Variants in PSD3 observed in about 807,000 individuals in gnomAD.
PSD3 encodes the protein pleckstrin and Sec7 domain containing 3.
A neutral mutation model predicts 105.5 loss-of-function variants in PSD3; 49 were observed. The ratio of observed to expected loss-of-function variants is 0.46; its 90% confidence interval spans 0.37 to 0.59. The LOEUF (loss-of-function observed/expected upper bound fraction) is 0.59. Among genes scored for constraint, PSD3 ranks in the 20% least tolerant of loss-of-function variants. The probability of loss-of-function intolerance (pLI) is 0.00; values close to 1 mark genes in which losing one functional copy is unlikely to be tolerated. For synonymous variants in PSD3, 557 were observed against 457.8 expected (o/e 1.22, Z -2.77); for missense variants, 1,561 against 1,263.8 (o/e 1.24, Z -3.57).
intron 2 of PSD3, among the ~76,000 whole-genome samples, chr8:18,882,782 C>T (rs552212789): frequency 2.0e-5 from 3 of 151,694 alleles, no homozygotes. Flanking sequence ...CTAATACCTA[C>T]CATACTCCAC....
intron 11 of PSD3, among the ~76,000 whole-genome samples, chr8:18,629,863 T>A (rs1386914555): frequency 6.6e-6 from 1 of 151,970 alleles, no homozygotes; most frequent in Non-Finnish European, 1.5e-5. Context: ...TGTAAATTAT[T>A]AGAAACCATG....
chr8:18,588,837 AC>A (rs1207195085), intron 12 of PSD3, among the ~76,000 whole-genome samples: 1 of 152,202 alleles, frequency 6.6e-6, no homozygotes, highest in Non-Finnish European at 1.5e-5. Context: ...AAAAGCTGGT[AC>A]CTTTGAAACA....
rs1025509737 is a variant in PSD3, at chr8:18,533,875, A to C, written c.*1868T>G. On this transcript the variant is annotated 3_prime_UTR_variant, in exon 16 of 16. Transcript: ENST00000327040. ...TTTGTTTTGCAGTTCTGAAACATAA[A>C]CTTAGTTACTGCCTTTACCCAAACA... 1 of 151,914 alleles carries C rather than the reference A, an allele frequency of 6.6e-6. No homozygotes were observed. Among genetic ancestry groups the C allele is most frequent in the Non-Finnish European group, 1.5e-5 (1 of 67,968 alleles). The allele number at this position is 151,914 out of a possible 1,614,324, so 9.4% of individuals were successfully genotyped here.
chr8:18,841,916 C>T (rs968916459), intron 4 of PSD3, among the ~76,000 whole-genome samples: 2 of 152,154 alleles, frequency 1.3e-5, no homozygotes, highest in African/African-American at 4.8e-5. Context: ...ATAAAACCTA[C>T]TCTATTTCTA....
chr8:18,810,288 G>C (rs1258966178), intron 4 of PSD3, among the ~76,000 whole-genome samples: 1 of 152,156 alleles, frequency 6.6e-6, no homozygotes, highest in African/African-American at 2.4e-5. Flanking sequence ...GAGAATGCAA[G>C]AACACAGCCA....
Position 18,728,021 on chromosome 8 carries a change from C to T in PSD3, c.2172+37428G>A, listed in dbSNP as rs1803460543. 2.0e-5 allele frequency among the ~76,000 whole-genome samples: 3 copies of T among 151,438 alleles called. No individual in the cohort carries two copies. In the South Asian group the frequency reaches 6.3e-4, roughly 32 times the overall value. ...TAGATCAATGCCTGAAGACTGGACC[C>T]TTAAATATTTGCTGAATGAATGAAT... On this transcript the variant is annotated intron_variant, in intron 9 of 15. Transcript: ENST00000327040.
At chr8:18,932,106 C>T (rs985583294) in intron 2 of PSD3, among the ~76,000 whole-genome samples, 8 of 152,226 alleles carry the variant, frequency 5.3e-5, no homozygotes, top group African/African-American at 1.9e-4. Flanking sequence ...CAGCTAAACA[C>T]TGATTGGGTA....
At chr8:18,962,056 G>A (rs78930866) in intron 1 of PSD3, among the ~76,000 whole-genome samples, 10,539 of 152,148 alleles carry the variant, frequency 0.069, 871 homozygotes, top group African/African-American at 0.2. Context: ...GACCAGCCTG[G>A]CCAACATGGT....
chr8:18,878,094 C>A lies in PSD3; in HGVS notation c.131-5361G>T, dbSNP rs558665762. Among the ~76,000 whole-genome samples, 17 of 152,142 alleles carry A rather than the reference C, an allele frequency of 1.1e-4. 1 individual carries two copies. Among genetic ancestry groups the A allele is most frequent in the South Asian group, 6.2e-4 (3 of 4,832 alleles). ...TACTATTACATCTTTCGTTCCATGA[C>A]CATGGGCTGTCTTTTCACTTACTTA... On this transcript the variant is annotated intron_variant, in intron 2 of 15. Coordinates refer to ENST00000327040, the MANE Select transcript of PSD3 (RefSeq NM_015310.4).
At chr8:19,051,701 G>A (rs1828535034) in intron 1 of PSD3, among the ~76,000 whole-genome samples, 1 of 152,180 alleles carries the variant, frequency 6.6e-6, no homozygotes, top group Non-Finnish European at 1.5e-5. Context: ...AACAAAGTTG[G>A]GGGATTAGCA....
intron 12 of PSD3, among the ~76,000 whole-genome samples, chr8:18,596,531 A>G (rs1283326302): frequency 6.6e-6 from 1 of 152,050 alleles, no homozygotes; most frequent in Admixed American, 6.6e-5. Context: ...AAATGAAAAA[A>G]TAAAACTAAA....
chr8:18,714,161 C>A (rs530995902), intron 9 of PSD3, among the ~76,000 whole-genome samples: 1 of 152,068 alleles, frequency 6.6e-6, no homozygotes, highest in East Asian at 1.9e-4. Context: ...AATGTAAAAC[C>A]CAAAACTGGA....
At chr8:18,686,004 C>A (rs1300433573) in intron 9 of PSD3, among the ~76,000 whole-genome samples, 1 of 152,076 alleles carries the variant, frequency 6.6e-6, no homozygotes, top group Admixed American at 6.6e-5. Context: ...TTCTTTTCTC[C>A]ACCAAAATGG....
intron 10 of PSD3, among the ~76,000 whole-genome samples, chr8:18,634,179 GT>G (rs1320384685): frequency 1.2e-4 from 18 of 152,058 alleles, no homozygotes; most frequent in African/African-American, 3.6e-4. Context: ...CAGATTAACA[GT>G]TTGCAAATAA....
chr8:19,000,721 A>T (rs1586607865), intron 1 of PSD3: 1 of 151,948 alleles, frequency 6.6e-6, no homozygotes, highest in Non-Finnish European at 1.5e-5. Context: ...ATAGCAAAAA[A>T]GTGATCAGGC....
At chr8:18,795,290 G>C (rs553071062) in intron 8 of PSD3, among the ~76,000 whole-genome samples, 1 of 152,268 alleles carries the variant, frequency 6.6e-6, no homozygotes, top group Admixed American at 6.5e-5. Flanking sequence ...CTCTGAGTAT[G>C]TCAAGGGTAA....
chr8:18,667,131 G>A (rs896174828), intron 9 of PSD3, among the ~76,000 whole-genome samples: 1 of 152,116 alleles, frequency 6.6e-6, no homozygotes, highest in East Asian at 1.9e-4. Context: ...AGTTGCCACT[G>A]GTGGCTCAGG....
intron 4 of PSD3, among the ~76,000 whole-genome samples, chr8:18,859,709 C>T (rs1047829002): frequency 6.6e-6 from 1 of 152,152 alleles, no homozygotes. Flanking sequence ...CCTCATAAAC[C>T]ACCCTCGGCT....
At chr8:18,702,007 A>C (rs1205225196) in intron 9 of PSD3, among the ~76,000 whole-genome samples, 6 of 152,174 alleles carry the variant, frequency 3.9e-5, no homozygotes, top group African/African-American at 1.4e-4. Flanking sequence ...AGAAGCAAAA[A>C]CAAAACCCCT....
Sources: gnomAD v4.1 joint callset for allele counts (sites outside exome capture counted in the v4.1 genomes callset) on GRCh38, gnomAD v4.1.1 for gene constraint, MANE v1.5 for transcripts, NCBI Gene and HGNC (gene_info 2026-07-23, HGNC 2026-07-21) for gene names.